The following MAN1A1 variants were observed in gnomAD, a reference collection of about 807,000 sequenced individuals.
The protein encoded by MAN1A1 is mannosidase alpha class 1A member 1.
In MAN1A1, 29 loss-of-function variants were observed where a neutral mutation model predicts 70.8. The observed-to-expected ratio is 0.41, with a 90% CI of 0.31 to 0.56. The LOEUF is 0.56. MAN1A1 is among the 20% of genes least tolerant of loss of function. MAN1A1 has a pLI of 0.29. For synonymous variants in MAN1A1, 349 were observed against 330.1 expected (o/e 1.06, Z -0.62); for missense variants, 747 against 841.3 (o/e 0.89, Z 1.39).
chr6:119,180,980 G>GA (rs1391560422), intron 11 of MAN1A1, among the ~76,000 whole-genome samples: 1 of 152,090 alleles, frequency 6.6e-6, no homozygotes, highest in Non-Finnish European at 1.5e-5. Flanking sequence ...TTTAGTTTTG[G>GA]AAAAATTTTT....
intron 4 of MAN1A1, among the ~76,000 whole-genome samples, chr6:119,299,339 G>A (rs1345467931): frequency 6.6e-6 from 1 of 151,784 alleles, no homozygotes; most frequent in Non-Finnish European, 1.5e-5. Flanking sequence ...AGGAAAACAT[G>A]GTAATACCCA....
chr6:119,294,137 G>A (rs1000291782), intron 4 of MAN1A1, among the ~76,000 whole-genome samples: 2 of 151,922 alleles, frequency 1.3e-5, no homozygotes, highest in Non-Finnish European at 2.9e-5. Context: ...TTTCTCAAGG[G>A]CTTAAAAATC....
Position 119,285,474 on chromosome 6 carries a change from T to C in MAN1A1, c.897+5209A>G, listed in dbSNP as rs558960802. Reference sequence around the variant, plus strand: ...GGGACACACATCCGAACTATATCGATTACCTGATTTTTAATTTCACTGTAT... The same window carrying C: ...GGGACACACATCCGAACTATATCGACTACCTGATTTTTAATTTCACTGTAT... On this transcript the variant is annotated intron_variant, in intron 5 of 12. Coordinates refer to ENST00000368468, the MANE Select transcript of MAN1A1 (RefSeq NM_005907.4). Among the ~76,000 whole-genome samples the C allele has an allele frequency of 4.6e-5, 7 of 152,246 alleles. No individual in the cohort carries two copies. In the East Asian group the frequency reaches 1.2e-3, roughly 25 times the overall value.
intron 9 of MAN1A1, among the ~76,000 whole-genome samples, chr6:119,191,646 T>C (rs946050324): frequency 6.6e-6 from 1 of 152,232 alleles, no homozygotes; most frequent in Non-Finnish European, 1.5e-5. Context: ...ATATGTCTTC[T>C]GCCCAGGTAT....
At chr6:119,184,581 C>G (rs1439525174) in intron 11 of MAN1A1, among the ~76,000 whole-genome samples, 1 of 151,878 alleles carries the variant, frequency 6.6e-6, no homozygotes, top group East Asian at 1.9e-4. Context: ...CCTGAGGAGG[C>G]AGGAGTAGGA....
chr6:119,249,938 T>C (rs969830314), intron 5 of MAN1A1, among the ~76,000 whole-genome samples: 1 of 152,218 alleles, frequency 6.6e-6, no homozygotes, highest in African/African-American at 2.4e-5. Context: ...TAAATTGACA[T>C]TCCTTGTATA....
chr6:119,311,180 T>A (rs1254773232), intron 2 of MAN1A1, among the ~76,000 whole-genome samples: 1 of 152,214 alleles, frequency 6.6e-6, no homozygotes, highest in Non-Finnish European at 1.5e-5. Context: ...CCGACACACA[T>A]TAAGTGCTCA....
At chr6:119,210,496 A>G (rs1181434556) in intron 6 of MAN1A1, among the ~76,000 whole-genome samples, 7 of 152,210 alleles carry the variant, frequency 4.6e-5, no homozygotes, top group African/African-American at 1.4e-4. Flanking sequence ...TTCCATGCCA[A>G]TCAACATACA....
At chr6:119,270,960 C>T (rs1448637194) in intron 5 of MAN1A1, among the ~76,000 whole-genome samples, 3 of 152,204 alleles carry the variant, frequency 2.0e-5, no homozygotes, top group Non-Finnish European at 2.9e-5. Context: ...GACTTCTCTA[C>T]TTCTTAGCAT....
At chr6:119,274,480 C>A (rs1582756842) in intron 5 of MAN1A1, among the ~76,000 whole-genome samples, 1 of 152,072 alleles carries the variant, frequency 6.6e-6, no homozygotes, top group Admixed American at 6.5e-5. Context: ...TTGATAAAGC[C>A]AAAATATTTT....
intron 2 of MAN1A1, among the ~76,000 whole-genome samples, chr6:119,326,484 C>T (rs568810264): frequency 6.6e-6 from 1 of 152,346 alleles, no homozygotes; most frequent in East Asian, 1.9e-4. Context: ...CTGAGTCATG[C>T]AGGCTCGGAT....
intron 5 of MAN1A1, among the ~76,000 whole-genome samples, chr6:119,274,805 G>T (rs1776010695): frequency 6.6e-6 from 1 of 152,166 alleles, no homozygotes; most frequent in Non-Finnish European, 1.5e-5. Context: ...TTTGTTATAT[G>T]TACTCACTGG....
intron 6 of MAN1A1, among the ~76,000 whole-genome samples, chr6:119,244,260 C>G (rs1358475558): frequency 6.6e-6 from 1 of 151,962 alleles, no homozygotes; most frequent in African/African-American, 2.4e-5. Flanking sequence ...ATAGTAATAA[C>G]AAGAATAGAC....
chr6:119,305,342 A>G (rs961156786), intron 3 of MAN1A1, among the ~76,000 whole-genome samples: 2 of 152,192 alleles, frequency 1.3e-5, no homozygotes, highest in Admixed American at 1.3e-4. Context: ...AAAGACTTTT[A>G]TAGAGATAAA....
At position 119,335,269 on chromosome 6, in the gene MAN1A1, G is replaced by C. The variant is rs78110237; in HGVS notation, c.603+13194C>G. ...CACTCCTACCAATTCCTAGCTGCTA[G>C]TAAGTACATACTATGTATTGAATAA... On this transcript the variant is annotated intron_variant, in intron 2 of 12. Transcript: ENST00000368468. Among the ~76,000 whole-genome samples, 893 of 152,294 alleles carry C rather than the reference G, an allele frequency of 5.9e-3. 30 individuals are homozygous for C. The East Asian group carries it at 0.09, about 15-fold the overall frequency.
chr6:119,183,807 T>G (rs913921162), intron 11 of MAN1A1, among the ~76,000 whole-genome samples: 1 of 152,044 alleles, frequency 6.6e-6, no homozygotes. Flanking sequence ...AAATTTTGAG[T>G]AGTGGGCCAA....
intron 5 of MAN1A1, among the ~76,000 whole-genome samples, chr6:119,270,333 C>T (rs374163804): frequency 1.3e-5 from 2 of 152,254 alleles, no homozygotes. Context: ...ATCATATGCT[C>T]ATATTAATAT....
chr6:119,290,504 T>A (rs778169149), intron 5 of MAN1A1, among the ~76,000 whole-genome samples, 179 bp downstream of exon 5: 1 of 152,008 alleles, frequency 6.6e-6, no homozygotes, highest in Admixed American at 6.6e-5. Context: ...TGCCAAACTT[T>A]CCCAGCTTGC....
intron 4 of MAN1A1, among the ~76,000 whole-genome samples, chr6:119,299,136 T>C (rs891625462): frequency 1.3e-5 from 2 of 152,078 alleles, no homozygotes; most frequent in African/African-American, 4.8e-5. Flanking sequence ...TTTGGATTTC[T>C]GGATAGAATG....
Sources: gnomAD v4.1 joint callset for allele counts (sites outside exome capture counted in the v4.1 genomes callset) on GRCh38, gnomAD v4.1.1 for gene constraint, MANE v1.5 for transcripts, NCBI Gene and HGNC (gene_info 2026-07-23, HGNC 2026-07-21) for gene names.